Variants in GARIN2 observed in about 807,000 individuals in gnomAD.
The protein encoded by GARIN2 is golgi associated RAB2 interactor family member 2, also known as Golgi-associated RAB2 interactor protein 2.
chr14:67,221,921 G>T, the GARIN2 span: 1 of 1,339,248 alleles, frequency 7.5e-7, no homozygotes, highest in Admixed American at 2.3e-5. Flanking sequence ...TAGACTTTTT[G>T]ATGCATTTCC....
chr14:67,191,913 G>A, the GARIN2 span, among the ~76,000 whole-genome samples: 25 of 152,210 alleles, frequency 1.6e-4, no homozygotes, highest in Admixed American at 9.8e-4. Context: ...CTGCAGAAAC[G>A]TACAACCTAA....
chr14:67,218,309 C>T, the GARIN2 span, among the ~76,000 whole-genome samples: 1 of 152,178 alleles, frequency 6.6e-6, no homozygotes, highest in Non-Finnish European at 1.5e-5. Context: ...GAGCTATGCA[C>T]CAGGGATGTG....
the GARIN2 span, among the ~76,000 whole-genome samples, chr14:67,193,026 ATC>A: frequency 1.4e-5 from 2 of 145,848 alleles, no homozygotes; most frequent in African/African-American, 2.5e-5. Flanking sequence ...ATATAGATAT[ATC>A]TCTATCAATA....
At chr14:67,215,513 A>AAC in the GARIN2 span, among the ~76,000 whole-genome samples, 1 of 151,146 alleles carries the variant, frequency 6.6e-6, no homozygotes, top group Non-Finnish European at 1.5e-5. Flanking sequence ...AAAGATTAAA[A>AAC]AACAACAACA....
At chr14:67,199,229 T>C in the GARIN2 span, 1 of 1,604,298 alleles carries the variant, frequency 6.2e-7, no homozygotes, top group Non-Finnish European at 8.5e-7. Context: ...ACCAAGGCTA[T>C]GACTTTGTGA....
the GARIN2 span, among the ~76,000 whole-genome samples, chr14:67,192,955 T>C: frequency 6.8e-6 from 1 of 146,800 alleles, no homozygotes; most frequent in Non-Finnish European, 1.5e-5. Context: ...TATCTCTATA[T>C]ATCTATATAT....
the GARIN2 span, among the ~76,000 whole-genome samples, chr14:67,227,032 G>C: frequency 5.3e-5 from 8 of 152,162 alleles, no homozygotes; most frequent in Non-Finnish European, 7.4e-5. Context: ...TCAATCCCTT[G>C]ATGGATATAT....
At chr14:67,220,947 G>T in the GARIN2 span, among the ~76,000 whole-genome samples, 6 of 152,254 alleles carry the variant, frequency 3.9e-5, no homozygotes, top group East Asian at 1.2e-3. Flanking sequence ...TAGGATAATA[G>T]CTAAGATAAT....
chr14:67,210,999 CA>C, the GARIN2 span, among the ~76,000 whole-genome samples: 1 of 151,926 alleles, frequency 6.6e-6, no homozygotes, highest in Non-Finnish European at 1.5e-5. Flanking sequence ...CACCCTGCCT[CA>C]AAAAACAAAC....
At chr14:67,206,733 T>G in the GARIN2 span, among the ~76,000 whole-genome samples, 2 of 151,816 alleles carry the variant, frequency 1.3e-5, no homozygotes, top group Non-Finnish European at 2.9e-5. Context: ...AATTTATTAT[T>G]ATTATTATTA....
At chr14:67,189,837 A>ATTTTTTTTTTTTTTTTTTTTTTTATT in the GARIN2 span, 1 of 108,096 alleles carries the variant, frequency 9.3e-6, no homozygotes, top group African/African-American at 3.8e-5. Flanking sequence ...ATTTTTTTTA[A>ATTTTTTTTTTTTTTTTTTTTTTTATT]TTTTTTTTTT....
the GARIN2 span, chr14:67,204,795 G>C: frequency 6.2e-7 from 1 of 1,613,900 alleles, no homozygotes; most frequent in South Asian, 1.1e-5. Flanking sequence ...TGGATGTGAC[G>C]GATGTCACCA....
chr14:67,190,068 ATTT>A, the GARIN2 span, among the ~76,000 whole-genome samples: 8 of 115,432 alleles, frequency 6.9e-5, no homozygotes, highest in African/African-American at 2.4e-4. Flanking sequence ...TGCCCAGCTA[ATTT>A]TTTTTTTTTT....
chr14:67,208,933 G>A, the GARIN2 span, among the ~76,000 whole-genome samples: 15 of 150,820 alleles, frequency 9.9e-5, no homozygotes, highest in African/African-American at 2.2e-4. Flanking sequence ...AAAGAAGCAC[G>A]GAAAAAGCAA....
At chr14:67,200,282 A>C in the GARIN2 span, 1 of 737,490 alleles carries the variant, frequency 1.4e-6, no homozygotes, top group African/African-American at 1.8e-5. Flanking sequence ...CTCCCCAGCC[A>C]CCAGTTGCCC....
chr14:67,221,762 GC>G, the GARIN2 span: 4 of 1,612,590 alleles, frequency 2.5e-6, no homozygotes, highest in Non-Finnish European at 3.4e-6. Flanking sequence ...TTTGAGATGT[GC>G]TATTTATTTT....
chr14:67,224,591 T>G, the GARIN2 span: 1 of 240,050 alleles, frequency 4.2e-6, no homozygotes, highest in East Asian at 1.4e-4. Flanking sequence ...TTTAAGTTTT[T>G]ACCTTTCTAG....
chr14:67,218,243 G>A, the GARIN2 span, among the ~76,000 whole-genome samples: 1 of 152,222 alleles, frequency 6.6e-6, no homozygotes, highest in South Asian at 2.1e-4. Context: ...TGATCACACA[G>A]TTGTTGTCTA....
At chr14:67,217,152 A>G in the GARIN2 span, among the ~76,000 whole-genome samples, 1 of 149,354 alleles carries the variant, frequency 6.7e-6, no homozygotes, top group African/African-American at 2.5e-5. Flanking sequence ...ATAACTATAG[A>G]ATGACTTTCT....
Sources: allele counts gnomAD v4.1 joint callset (sites outside exome capture counted in the v4.1 genomes callset), GRCh38; gene constraint gnomAD v4.1.1; transcripts MANE v1.5; gene names NCBI Gene and HGNC (gene_info 2026-07-23, HGNC 2026-07-21).